CFDP1: variants seen among roughly 807,000 people sequenced by gnomAD.
The protein encoded by CFDP1 is heterochromatin-stabilizing protein CFDP1.
CFDP1 carries 31 observed loss-of-function variants against 40.1 expected under a neutral mutation model. That is an observed-to-expected ratio of 0.77 (90% CI 0.58 to 1.04). The LOEUF (loss-of-function observed/expected upper bound fraction) is 1.04, where lower values mean the gene tolerates loss of function less well. Ranked by LOEUF, CFDP1 falls within the 50% of genes least tolerant of loss-of-function variation. The pLI is 0.00. For missense variants in CFDP1, 423 were observed against 343.4 expected, an observed-to-expected ratio of 1.23 and a Z score of -1.83; for synonymous variants, 167 against 120.0, an observed-to-expected ratio of 1.39 and a Z score of -2.56.
chr16:75,305,124 T>G lies in CFDP1; in HGVS notation c.709A>C (p.Lys237Gln). The G allele has an allele frequency of 6.2e-7, 1 of 1,614,202 alleles. No homozygotes were observed. The highest frequency in any genetic ancestry group is 1.3e-5 in the African/African-American group (1 of 75,048). ...LLGKIGAKKQ[K>Q]MSTLEKSKLD... ...TTGGACTTCTCAAGGGTGCTCATTT[T>G]CTGCTTCTTGGCACCAATTTTCCCC... The change falls in exon 6 of 7, where the codon AAA (lysine) becomes CAA (glutamine). Residue 237 changes from lysine (K) to glutamine (Q), a missense_variant. Lys to Gln is a moderately conservative substitution (Grantham distance 53). Coordinates refer to ENST00000283882, the MANE Select transcript of CFDP1 (RefSeq NM_006324.3).
At chr16:75,349,884 T>G (rs1008969343) in intron 5 of CFDP1, among the ~76,000 whole-genome samples, 2 of 151,392 alleles carry the variant, frequency 1.3e-5, no homozygotes, top group Non-Finnish European at 2.9e-5. Context: ...CATTTTCTTG[T>G]CTAACTGCCC....
intron 5 of CFDP1, among the ~76,000 whole-genome samples, chr16:75,309,508 T>C (rs1365193393): frequency 1.3e-5 from 2 of 151,680 alleles, no homozygotes; most frequent in African/African-American, 4.8e-5. Context: ...CAGAATTCCC[T>C]TGGAGATTTG....
intron 1 of CFDP1, among the ~76,000 whole-genome samples, chr16:75,419,890 T>C (rs1191329453): frequency 6.6e-6 from 1 of 152,202 alleles, no homozygotes; most frequent in African/African-American, 2.4e-5. Flanking sequence ...GCTCTGTCTA[T>C]GGAGTAGACA....
At chr16:75,332,235 T>C (rs1597336650) in intron 5 of CFDP1, among the ~76,000 whole-genome samples, 2 of 152,018 alleles carry the variant, frequency 1.3e-5, no homozygotes, top group Admixed American at 6.6e-5. Context: ...GAGGCCGAGG[T>C]GGGCGGATCA....
chr16:75,311,240 C>G (rs2078291120), intron 5 of CFDP1, among the ~76,000 whole-genome samples: 1 of 152,174 alleles, frequency 6.6e-6, no homozygotes, highest in Non-Finnish European at 1.5e-5. Flanking sequence ...TCTTTTCCAC[C>G]TTGCTTGGTG....
rs1310939229 is a variant in CFDP1 at position 75,384,890 on chromosome 16, ATATATATATT to A, written c.650+10190_650+10199del. On this transcript the variant is annotated intron_variant, in intron 5 of 6. Transcript: ENST00000283882. Reference sequence around the variant, plus strand: ...TATATATATATATATATATATATATATATATATATTGCAGACCAGTACAGACAGGGTAAGT... The same window carrying A: ...TATATATATATATATATATATATATAGCAGACCAGTACAGACAGGGTAAGT... Among the ~76,000 whole-genome samples the A allele has an allele frequency of 1.9e-4, 27 of 142,102 alleles. 1 individual carries two copies. Among genetic ancestry groups the A allele is most frequent in the African/African-American group, 7.0e-4 (25 of 35,712 alleles). 93.2% of individuals were successfully genotyped at this position (142,102 alleles called of 152,430 possible).
chr16:75,431,308 T>C (rs1479811125), intron 1 of CFDP1, among the ~76,000 whole-genome samples: 1 of 151,086 alleles, frequency 6.6e-6, no homozygotes, highest in African/African-American at 2.4e-5. Flanking sequence ...AAAAAAATCA[T>C]TCGGGTGTGC....
In CFDP1 at chr16:75,414,646, TTCATCTTCCTTCACTAATTCATTTACA is replaced by T. The variant is rs982680554; in HGVS notation, c.87_113del (p.Asp29_Asp37del). 1 of 1,613,824 alleles carries T rather than the reference TTCATCTTCCTTCACTAATTCATTTACA, an allele frequency of 6.2e-7. No individual in the cohort carries two copies. The highest frequency in any genetic ancestry group is 8.5e-7 in the Non-Finnish European group (1 of 1,179,756). The stretch of plus-strand genomic sequence containing the variant: ...TCTGTGTCTGCTCTTCACCATCCAC[TTCATCTTCCTTCACTAATTCATTTACA>T]TCATCTTCACTATACTCTCCACCTG... On this transcript the variant is annotated inframe_deletion, in exon 2 of 7. Coordinates refer to ENST00000283882, the MANE Select transcript of CFDP1 (RefSeq NM_006324.3).
intron 5 of CFDP1, among the ~76,000 whole-genome samples, chr16:75,348,921 T>G (rs190445687): frequency 6.6e-6 from 1 of 152,146 alleles, no homozygotes; most frequent in African/African-American, 2.4e-5. Flanking sequence ...GGCTGGAGTA[T>G]AGTGGTACGA....
At chr16:75,332,476 GTAAAATAAAA>G (rs552824429) in intron 5 of CFDP1, among the ~76,000 whole-genome samples, 18 of 151,302 alleles carry the variant, frequency 1.2e-4, no homozygotes, top group African/African-American at 2.4e-4. Flanking sequence ...AAAATAAAAA[GTAAAATAAAA>G]TAAAATAAAA....
chr16:75,298,952 G>C (rs2078203245), intron 6 of CFDP1, among the ~76,000 whole-genome samples: 1 of 152,128 alleles, frequency 6.6e-6, no homozygotes, highest in Non-Finnish European at 1.5e-5. Context: ...TCAATTGATT[G>C]ATCAGACAGC....
At chr16:75,395,336 T>A in intron 4 of CFDP1, 127 bp from the exon 5 acceptor site, 1 of 1,003,580 alleles carries the variant, frequency 1.0e-6, no homozygotes, top group Non-Finnish European at 1.4e-6. Context: ...CGCTCAGCAT[T>A]ATGATAAAAG....
intron 5 of CFDP1, among the ~76,000 whole-genome samples, chr16:75,367,684 T>C (rs1223380927): frequency 6.7e-6 from 1 of 149,488 alleles, no homozygotes; most frequent in Non-Finnish European, 1.5e-5. Context: ...TCCCAGCTAC[T>C]CAGGAGGCTG....
chr16:75,424,680 G>A (rs1360024657), intron 1 of CFDP1, among the ~76,000 whole-genome samples: 1 of 151,514 alleles, frequency 6.6e-6, no homozygotes, highest in Non-Finnish European at 1.5e-5. Context: ...CGTGAACCCA[G>A]GAGGCAGAGG....
intron 5 of CFDP1, among the ~76,000 whole-genome samples, chr16:75,313,204 C>G (rs924515133): frequency 6.6e-6 from 1 of 152,194 alleles, no homozygotes; most frequent in African/African-American, 2.4e-5. Context: ...TAGGAAAGTG[C>G]AGATCCTCTT....
At chr16:75,409,836 T>C (rs1018061368) in intron 4 of CFDP1, among the ~76,000 whole-genome samples, 1 of 152,110 alleles carries the variant, frequency 6.6e-6, no homozygotes, top group African/African-American at 2.4e-5. Flanking sequence ...GTAATACTAT[T>C]CTTGCAACAT....
chr16:75,294,123 A>T, intron 6 of CFDP1, 81 bp from the exon 7 acceptor site: 1 of 1,058,330 alleles, frequency 9.4e-7, no homozygotes. Flanking sequence ...CCCAGGGATA[A>T]ACTAAGTTAC....
intron 5 of CFDP1, among the ~76,000 whole-genome samples, chr16:75,309,229 C>A (rs2078277513): frequency 6.6e-6 from 1 of 152,162 alleles, no homozygotes; most frequent in African/African-American, 2.4e-5. Flanking sequence ...ATCCTGGTGT[C>A]ATTTCAGCAC....
chr16:75,429,697 C>A (rs1259698669), intron 1 of CFDP1, among the ~76,000 whole-genome samples: 1 of 152,034 alleles, frequency 6.6e-6, no homozygotes, highest in Non-Finnish European at 1.5e-5. Context: ...AGAAGGTAAC[C>A]AAGACAAAGT....
Sources: allele counts gnomAD v4.1 joint callset (sites outside exome capture counted in the v4.1 genomes callset), GRCh38; gene constraint gnomAD v4.1.1; transcripts MANE v1.5; gene names NCBI Gene and HGNC (gene_info 2026-07-23, HGNC 2026-07-21).